Variants in ANTXR1 observed in about 807,000 individuals in gnomAD.
The protein encoded by ANTXR1 is ANTXR cell adhesion molecule 1, also known as anthrax toxin receptor 1.
A neutral mutation model predicts 78.1 loss-of-function variants in ANTXR1; 19 were observed. That is an observed-to-expected ratio of 0.24 (90% confidence interval 0.17 to 0.36). The LOEUF is 0.36. ANTXR1 is among the 10% of genes least tolerant of loss of function. The pLI, the probability that ANTXR1 is intolerant of heterozygous loss-of-function variation, is 1.00. For synonymous variants in ANTXR1, 273 were observed against 260.5 expected (o/e 1.05, Z -0.46); for missense variants, 518 against 718.6 (o/e 0.72, Z 3.19).
chr2:69,164,295 G>A (rs1673768301), intron 13 of ANTXR1, among the ~76,000 whole-genome samples: 1 of 152,176 alleles, frequency 6.6e-6, no homozygotes, highest in Non-Finnish European at 1.5e-5. Context: ...GCCCACTCTT[G>A]GCAGTTGGGA....
intron 16 of ANTXR1, among the ~76,000 whole-genome samples, chr2:69,186,961 A>G (rs970001174): frequency 5.3e-5 from 8 of 152,200 alleles, no homozygotes; most frequent in Non-Finnish European, 1.0e-4. Context: ...CTCTGCTATA[A>G]GCAAGGAGAA....
chr2:69,214,148 A>G (rs1675120965), intron 17 of ANTXR1, among the ~76,000 whole-genome samples: 1 of 152,232 alleles, frequency 6.6e-6, no homozygotes, highest in Non-Finnish European at 1.5e-5. Context: ...GGTCCAGGAG[A>G]GCATTTCTGG....
At chr2:69,140,546 T>C (rs1673042020) in intron 12 of ANTXR1, among the ~76,000 whole-genome samples, 2 of 152,192 alleles carry the variant, frequency 1.3e-5, no homozygotes, top group Admixed American at 6.5e-5. Flanking sequence ...TTCTGGTGAA[T>C]GATGGATTAT....
At chr2:69,072,953 C>G in intron 5 of ANTXR1, 69 bp from the exon 6 acceptor site, 1 of 1,384,570 alleles carries the variant, frequency 7.2e-7, no homozygotes, top group South Asian at 1.2e-5. Flanking sequence ...AGGTTGAATC[C>G]TGGGACTGAG....
At chr2:69,140,577 A>G (rs953413328) in intron 12 of ANTXR1, among the ~76,000 whole-genome samples, 3 of 152,226 alleles carry the variant, frequency 2.0e-5, no homozygotes, top group Non-Finnish European at 2.9e-5. Flanking sequence ...ACTTTCATGA[A>G]TGCTTTCATG....
At chr2:69,042,427 C>G (rs1669639631) in intron 2 of ANTXR1, among the ~76,000 whole-genome samples, 1 of 152,140 alleles carries the variant, frequency 6.6e-6, no homozygotes, top group South Asian at 2.1e-4. Flanking sequence ...AGTATCCCTC[C>G]CATGTAAGGC....
chr2:69,030,936 G>T (rs970292065), intron 1 of ANTXR1, among the ~76,000 whole-genome samples: 12 of 152,292 alleles, frequency 7.9e-5, no homozygotes, highest in Admixed American at 7.2e-4. Flanking sequence ...GAAAGTGATT[G>T]TCTGGGACAT....
intron 1 of ANTXR1, among the ~76,000 whole-genome samples, chr2:69,026,009 C>G (rs1214867379): frequency 6.6e-6 from 1 of 152,246 alleles, no homozygotes; most frequent in Non-Finnish European, 1.5e-5. Flanking sequence ...AGCACTCCTG[C>G]TTCCATTTAA....
At chr2:69,064,055 A>G (rs1670321988) in intron 3 of ANTXR1, among the ~76,000 whole-genome samples, 1 of 152,194 alleles carries the variant, frequency 6.6e-6, no homozygotes, top group African/African-American at 2.4e-5. Flanking sequence ...GCAAGATGGT[A>G]GACTCAAACC....
intron 17 of ANTXR1, among the ~76,000 whole-genome samples, chr2:69,233,619 G>A (rs55677175): frequency 0.15 from 22,266 of 151,684 alleles, 5,194 homozygotes; most frequent in African/African-American, 0.49. Context: ...TCAAAAAGGT[G>A]TTTGATATTT....
At chr2:69,179,339 G>A (rs971122698) in intron 14 of ANTXR1, among the ~76,000 whole-genome samples, 1 of 152,060 alleles carries the variant, frequency 6.6e-6, no homozygotes, top group Admixed American at 6.6e-5. Context: ...TTGAGCCCAG[G>A]AGTTTGTGAC....
chr2:69,218,981 A>G (rs1043115551), intron 17 of ANTXR1, among the ~76,000 whole-genome samples: 2 of 152,240 alleles, frequency 1.3e-5, no homozygotes, highest in Non-Finnish European at 2.9e-5. Context: ...CCGTTTTGAC[A>G]TCGGGAAACC....
intron 12 of ANTXR1, among the ~76,000 whole-genome samples, chr2:69,130,762 C>T (rs12473178): frequency 0.35 from 53,376 of 152,004 alleles, 10,546 homozygotes; most frequent in African/African-American, 0.53. Flanking sequence ...GTACATGTCC[C>T]GTGGCTTATA....
chr2:69,093,465 C>T (rs989732138), intron 9 of ANTXR1, among the ~76,000 whole-genome samples: 3 of 152,028 alleles, frequency 2.0e-5, no homozygotes, highest in African/African-American at 7.2e-5. Flanking sequence ...TTAAGGTGTT[C>T]AAGACAATAA....
In ANTXR1 at chr2:69,110,865, A is replaced by G. The variant is rs117972454; in HGVS notation, c.802+7925A>G. The stretch of plus-strand genomic sequence containing the variant: ...CGACAGAGCAAGACTCCGTCTCAAA[A>G]AAAAAGTTACAAAACAATACACTGA... On this transcript the variant is annotated intron_variant, in intron 10 of 17. Transcript: ENST00000303714. Among the ~76,000 whole-genome samples, 94 of 152,346 alleles carry G rather than the reference A, an allele frequency of 6.2e-4. 1 individual carries two copies. In the East Asian group the frequency reaches 0.017, roughly 28 times the overall value.
intron 17 of ANTXR1, 103 bp from the exon 18 acceptor site, chr2:69,245,122 G>T: frequency 7.3e-7 from 1 of 1,363,180 alleles, no homozygotes. Flanking sequence ...TCACCAACAG[G>T]GGCCAGCTTT....
intron 3 of ANTXR1, among the ~76,000 whole-genome samples, chr2:69,058,648 C>T (rs1670139425): frequency 6.6e-6 from 1 of 152,164 alleles, no homozygotes; most frequent in African/African-American, 2.4e-5. Flanking sequence ...TGCCTGCTAA[C>T]ACAACATCCA....
In ANTXR1 at chr2:69,013,237, G is replaced by T; in HGVS notation, c.-263G>T. On this transcript the variant is annotated 5_prime_UTR_variant, in exon 1 of 18. Transcript: ENST00000303714. The surrounding 1 kb of genome is among the most constrained non-coding windows in gnomAD (Gnocchi z 5.0). Reference sequence around the variant, plus strand: ...GCCTCGGGAGCTGCCCGGCGGCCCCGGACCGAGGCAGCCCTCCCCTTTAAA... The same window carrying T: ...GCCTCGGGAGCTGCCCGGCGGCCCCTGACCGAGGCAGCCCTCCCCTTTAAA... 1.9e-6 allele frequency: 1 copy of T among 540,504 alleles called. No homozygotes were observed. The highest frequency in any genetic ancestry group is 2.1e-5 in the South Asian group (1 of 48,168). The allele number at this position is 540,504 out of a possible 1,614,324, so 33.5% of individuals were successfully genotyped here.
intron 14 of ANTXR1, among the ~76,000 whole-genome samples, chr2:69,178,168 G>T (rs1031463162): frequency 6.6e-6 from 1 of 152,210 alleles, no homozygotes; most frequent in African/African-American, 2.4e-5. Context: ...GCCTTGCTGA[G>T]GGGCTGGGAT....
Sources: allele counts gnomAD v4.1 joint callset (sites outside exome capture counted in the v4.1 genomes callset), GRCh38; gene constraint gnomAD v4.1.1; non-coding constraint Gnocchi (gnomAD v3.1); transcripts MANE v1.5; gene names NCBI Gene and HGNC (gene_info 2026-07-23, HGNC 2026-07-21).